The following ZFAT variants were observed in gnomAD, a reference collection of about 807,000 sequenced individuals.
ZFAT encodes the protein zinc finger protein ZFAT.
Under a neutral mutation model 117.7 loss-of-function variants are expected in ZFAT, and 64 were observed. The observed-to-expected ratio is 0.54, with a 90% CI of 0.44 to 0.67. The LOEUF (loss-of-function observed/expected upper bound fraction) is 0.67, where lower values mean the gene tolerates loss of function less well. Among genes scored for constraint, ZFAT ranks in the 30% least tolerant of loss-of-function variants. ZFAT has a pLI of 0.00. For missense variants in ZFAT, 1,433 were observed against 1,584.5 expected, an observed-to-expected ratio of 0.90 and a Z score of 1.62; for synonymous variants, 679 against 615.0, an observed-to-expected ratio of 1.10 and a Z score of -1.54.
At chr8:134,819,092 TAG>T in the ZFAT span, among the ~76,000 whole-genome samples, 1 of 152,158 alleles carries the variant, frequency 6.6e-6, no homozygotes, top group African/African-American at 2.4e-5. Context: ...TCAATAAAAA[TAG>T]AGACTTGCCG....
At chr8:134,486,981 T>C (rs1426882549) in intron 15 of ZFAT, among the ~76,000 whole-genome samples, 2 of 152,046 alleles carry the variant, frequency 1.3e-5, no homozygotes, top group Non-Finnish European at 2.9e-5. Context: ...TGTGTGTCCA[T>C]GTGTGTATAT....
chr8:134,569,129 A>G (rs190583612), intron 10 of ZFAT, among the ~76,000 whole-genome samples: 4 of 152,314 alleles, frequency 2.6e-5, no homozygotes, highest in African/African-American at 9.6e-5. Context: ...ACTAGGCATC[A>G]TGAGTTGCAC....
intron 1 of ZFAT, among the ~76,000 whole-genome samples, chr8:134,700,834 T>A (rs1021045293): frequency 1.3e-5 from 2 of 152,124 alleles, no homozygotes; most frequent in Admixed American, 6.5e-5. Context: ...CTCTACCTTG[T>A]ACAAGCTTCT....
At chr8:134,654,028 G>A (rs1255185338) in intron 2 of ZFAT, among the ~76,000 whole-genome samples, 1 of 152,096 alleles carries the variant, frequency 6.6e-6, no homozygotes, top group East Asian at 1.9e-4. Context: ...CAGGCACGGG[G>A]GCTCATGCCT....
chr8:134,564,267 C>T (rs1170873884), intron 11 of ZFAT, among the ~76,000 whole-genome samples: 3 of 151,996 alleles, frequency 2.0e-5, no homozygotes, highest in Non-Finnish European at 4.4e-5. Flanking sequence ...AGCCTTGGCC[C>T]TGCCTAAGCC....
At chr8:134,607,366 A>G (rs1488272977) in intron 5 of ZFAT, among the ~76,000 whole-genome samples, 1 of 152,268 alleles carries the variant, frequency 6.6e-6, no homozygotes, top group African/African-American at 2.4e-5. Flanking sequence ...ACCACATGAT[A>G]TAATAATATA....
At chr8:134,624,092 G>T (rs1019333391) in intron 3 of ZFAT, among the ~76,000 whole-genome samples, 2 of 152,022 alleles carry the variant, frequency 1.3e-5, no homozygotes, top group Non-Finnish European at 2.9e-5. Context: ...GGCGCTCGGT[G>T]CCTCTGATGC....
At chr8:134,584,401 C>T (rs76049319) in intron 9 of ZFAT, among the ~76,000 whole-genome samples, 337 of 152,348 alleles carry the variant, frequency 2.2e-3, no homozygotes, top group African/African-American at 7.8e-3. Flanking sequence ...CTGGGAACTC[C>T]TTGAGGACAG....
At chr8:134,832,336 C>G in the ZFAT span, among the ~76,000 whole-genome samples, 1 of 151,386 alleles carries the variant, frequency 6.6e-6, no homozygotes, top group African/African-American at 2.4e-5. Flanking sequence ...GTACATGTCT[C>G]TGTGTGTGTG....
At chr8:134,492,478 T>A (rs973186598) in intron 15 of ZFAT, among the ~76,000 whole-genome samples, 2 of 152,192 alleles carry the variant, frequency 1.3e-5, no homozygotes, top group Non-Finnish European at 2.9e-5. Context: ...GAAAAAAGAA[T>A]CTACCTGCAG....
At chr8:134,723,960 A>G in the ZFAT span, 1 of 152,384 alleles carries the variant, frequency 6.6e-6, no homozygotes, top group Admixed American at 6.5e-5. Context: ...GAGGTGATGG[A>G]TTAGTTTCTT....
the ZFAT span, among the ~76,000 whole-genome samples, chr8:134,832,229 G>A: frequency 1.3e-5 from 2 of 151,646 alleles, no homozygotes; most frequent in Non-Finnish European, 2.9e-5. Flanking sequence ...ATGGCGCGCG[G>A]CGGCGGCAGC....
chr8:134,540,244 C>T (rs1243496420), intron 11 of ZFAT, among the ~76,000 whole-genome samples: 4 of 152,292 alleles, frequency 2.6e-5, no homozygotes, highest in East Asian at 3.9e-4. Flanking sequence ...CAAGAGAGGA[C>T]AGACAGTAGG....
chr8:134,572,121 T>C (rs73363393), intron 10 of ZFAT, among the ~76,000 whole-genome samples: 8,247 of 152,304 alleles, frequency 0.054, 772 homozygotes, highest in African/African-American at 0.19. Context: ...TAGTGCATCA[T>C]ACAACTCTTA....
intron 11 of ZFAT, among the ~76,000 whole-genome samples, chr8:134,559,941 GAAAATA>G (rs1309598440): frequency 2.0e-5 from 3 of 152,098 alleles, no homozygotes; most frequent in Non-Finnish European, 4.4e-5. Flanking sequence ...AATATCATAT[GAAAATA>G]AAAATAATTC....
chr8:134,624,413 T>C (rs1282224910), intron 3 of ZFAT, among the ~76,000 whole-genome samples: 1 of 152,036 alleles, frequency 6.6e-6, no homozygotes, highest in Non-Finnish European at 1.5e-5. Flanking sequence ...CCCAGCACTT[T>C]GGGAGGCCAA....
At position 134,478,826 on chromosome 8, in the gene ZFAT, G is replaced by A; in HGVS notation, c.3493-105C>T. ...TAGGAGGCACCAGTGCGCTGCGGGA[G>A]CACGTCCATTCTCCACGGATCCTCT... On this transcript the variant is annotated intron_variant, in intron 15 of 15. Transcript: ENST00000377838. This position sits in a 1 kb window ranked among gnomAD's most constrained non-coding sequence, Gnocchi z 5.2. 6.9e-7 allele frequency: 1 copy of A among 1,451,022 alleles called. No individual in the cohort carries two copies. Among genetic ancestry groups the A allele is most frequent in the Non-Finnish European group, 9.2e-7 (1 of 1,088,118 alleles). The allele number at this position is 1,451,022 out of a possible 1,614,324, so 89.9% of individuals were successfully genotyped here.
At chr8:134,577,635 C>T (rs1449689933) in intron 10 of ZFAT, among the ~76,000 whole-genome samples, 1 of 152,152 alleles carries the variant, frequency 6.6e-6, no homozygotes. Flanking sequence ...TATGATAAGC[C>T]AAGCCCTGTT....
intron 2 of ZFAT, among the ~76,000 whole-genome samples, chr8:134,655,263 G>A (rs1831525146): frequency 6.6e-6 from 1 of 152,174 alleles, no homozygotes; most frequent in Admixed American, 6.5e-5. Context: ...GGCGTGGAAG[G>A]GTGGAAGTCG....
Sources: gnomAD v4.1 joint callset for allele counts (sites outside exome capture counted in the v4.1 genomes callset) on GRCh38, gnomAD v4.1.1 for gene constraint, Gnocchi (gnomAD v3.1) non-coding constraint, MANE v1.5 for transcripts, NCBI Gene and HGNC (gene_info 2026-07-23, HGNC 2026-07-21) for gene names.